NCKAP5: variants seen among roughly 807,000 people sequenced by gnomAD.
NCKAP5 encodes NCK associated protein 5, also known as nck-associated protein 5.
Under a neutral mutation model 167.0 loss-of-function variants are expected in NCKAP5, and 92 were observed. The ratio of observed to expected loss-of-function variants is 0.55; its 90% CI spans 0.47 to 0.66. NCKAP5 has a LOEUF of 0.66. NCKAP5 is among the 30% of genes least tolerant of loss of function. The probability of loss-of-function intolerance (pLI) is 0.00; values close to 1 mark genes in which losing one functional copy is unlikely to be tolerated. For missense variants in NCKAP5, 2,378 were observed against 2,315.0 expected (o/e 1.03, Z -0.56); for synonymous variants, 891 against 877.4 (o/e 1.02, Z -0.27).
chr2:132,891,739 T>G (rs867527509), intron 8 of NCKAP5, among the ~76,000 whole-genome samples: 2 of 152,336 alleles, frequency 1.3e-5, no homozygotes, highest in Non-Finnish European at 1.5e-5. Context: ...AGCTCGATAA[T>G]TTCCTTGCCC....
intron 12 of NCKAP5, among the ~76,000 whole-genome samples, chr2:132,790,551 A>G (rs935661526): frequency 6.6e-6 from 1 of 152,256 alleles, no homozygotes; most frequent in East Asian, 1.9e-4. Context: ...CTCACAGTAC[A>G]GTATCTACTG....
intron 8 of NCKAP5, among the ~76,000 whole-genome samples, chr2:132,879,123 C>T (rs12987460): frequency 0.31 from 47,763 of 152,032 alleles, 7,675 homozygotes; most frequent in Middle Eastern, 0.4. Flanking sequence ...TACATGAGAA[C>T]TTAAAGAAAT....
At chr2:133,264,701 A>G (rs1358297602) in intron 4 of NCKAP5, among the ~76,000 whole-genome samples, 1 of 152,236 alleles carries the variant, frequency 6.6e-6, no homozygotes. Flanking sequence ...ATGCTACAGA[A>G]CAAAGTTCTT....
intron 19 of NCKAP5, among the ~76,000 whole-genome samples, chr2:132,696,351 A>G (rs910415651): frequency 1.3e-5 from 2 of 152,244 alleles, no homozygotes; most frequent in Non-Finnish European, 2.9e-5. Context: ...TAATGCTATT[A>G]TTATTTTTAT....
intron 6 of NCKAP5, among the ~76,000 whole-genome samples, chr2:133,066,877 G>C (rs565774419): frequency 1.8e-4 from 28 of 152,260 alleles, no homozygotes; most frequent in African/African-American, 6.5e-4. Flanking sequence ...TTCCTCCAGA[G>C]CGATTATCTC....
intron 3 of NCKAP5, among the ~76,000 whole-genome samples, chr2:133,373,702 C>T (rs569298933): frequency 4.6e-5 from 7 of 152,150 alleles, no homozygotes; most frequent in East Asian, 1.9e-4. Flanking sequence ...GTGGTACTGG[C>T]GAAAGAATAG....
intron 5 of NCKAP5, among the ~76,000 whole-genome samples, chr2:133,197,195 G>A (rs978220973): frequency 6.6e-6 from 1 of 152,168 alleles, no homozygotes; most frequent in African/African-American, 2.4e-5. Flanking sequence ...ATAAAGTCGT[G>A]CATGAAGTAC....
intron 11 of NCKAP5, among the ~76,000 whole-genome samples, chr2:132,824,665 C>T (rs375932526): frequency 3.3e-4 from 50 of 152,278 alleles, no homozygotes; most frequent in African/African-American, 8.2e-4. Context: ...TTCCTGACCC[C>T]TCTGTGGTTG....
intron 3 of NCKAP5, among the ~76,000 whole-genome samples, chr2:133,396,772 AT>A (rs1687756918): frequency 6.6e-6 from 1 of 152,158 alleles, no homozygotes; most frequent in South Asian, 2.1e-4. Context: ...TAACACATAA[AT>A]TTTTGGAGGC....
At chr2:133,347,581 A>T (rs1025585283) in intron 3 of NCKAP5, among the ~76,000 whole-genome samples, 1 of 149,036 alleles carries the variant, frequency 6.7e-6, no homozygotes, top group African/African-American at 2.5e-5. Context: ...TAAAATAATT[A>T]ATATAATATA....
At chr2:133,199,223 G>A (rs1246010486) in intron 5 of NCKAP5, among the ~76,000 whole-genome samples, 1 of 151,400 alleles carries the variant, frequency 6.6e-6, no homozygotes, top group African/African-American at 2.4e-5. Context: ...AATACAGAAA[G>A]CATAAACTAG....
intron 8 of NCKAP5, among the ~76,000 whole-genome samples, chr2:132,952,450 A>AC (rs759705356): frequency 4.1e-4 from 61 of 149,204 alleles, no homozygotes; most frequent in East Asian, 1.2e-3. Context: ...GCAGTCACAG[A>AC]CCCCCCCCAC....
At chr2:132,986,460 C>A (rs1035036947) in intron 7 of NCKAP5, among the ~76,000 whole-genome samples, 1 of 152,158 alleles carries the variant, frequency 6.6e-6, no homozygotes, top group Non-Finnish European at 1.5e-5. Context: ...GATGCCCATA[C>A]AGCAGATTCT....
At chr2:133,619,063 C>T in the NCKAP5 span, among the ~76,000 whole-genome samples, 2 of 133,096 alleles carry the variant, frequency 1.5e-5, no homozygotes, top group East Asian at 2.0e-4. Flanking sequence ...GAACAAAAAA[C>T]CAAACACCGC....
chr2:133,069,546 G>A (rs573527031), intron 6 of NCKAP5, among the ~76,000 whole-genome samples: 1 of 152,264 alleles, frequency 6.6e-6, no homozygotes, highest in South Asian at 2.1e-4. Flanking sequence ...GTTGCTTAAT[G>A]GGTTACCCAT....
chr2:133,470,270 G>C (rs1052068360), intron 3 of NCKAP5, among the ~76,000 whole-genome samples: 5 of 151,718 alleles, frequency 3.3e-5, no homozygotes, highest in Non-Finnish European at 4.4e-5. Flanking sequence ...ATACCCTGCC[G>C]TGTGAGGTGT....
At chr2:133,584,745 C>A in the NCKAP5 span, among the ~76,000 whole-genome samples, 2 of 152,028 alleles carry the variant, frequency 1.3e-5, no homozygotes, top group African/African-American at 2.4e-5. Flanking sequence ...GTCTGGGAAA[C>A]AGAGTGAGCC....
intron 11 of NCKAP5, among the ~76,000 whole-genome samples, chr2:132,843,947 A>G (rs1293286336): frequency 6.6e-6 from 1 of 151,904 alleles, no homozygotes; most frequent in African/African-American, 2.4e-5. Flanking sequence ...GCCTTTCCCC[A>G]ATCTGGTAGG....
intron 3 of NCKAP5, among the ~76,000 whole-genome samples, chr2:133,408,679 C>G (rs16824468): frequency 0.025 from 3,882 of 152,300 alleles, 151 homozygotes; most frequent in African/African-American, 0.087. Context: ...TATACCACCT[C>G]CCAGCTATGC....
Sources: gnomAD v4.1 joint callset for allele counts (sites outside exome capture counted in the v4.1 genomes callset) on GRCh38, gnomAD v4.1.1 for gene constraint, MANE v1.5 for transcripts, NCBI Gene and HGNC (gene_info 2026-07-23, HGNC 2026-07-21) for gene names.